CWC25: variants seen among roughly 807,000 people sequenced by gnomAD.
CWC25 encodes the protein CWC25 spliceosome associated protein, also known as pre-mRNA-splicing factor CWC25 homolog.
Under a neutral mutation model 54.6 loss-of-function variants are expected in CWC25, and 31 were observed. The observed-to-expected ratio is 0.57, with a 90% CI of 0.43 to 0.77. The LOEUF is 0.77. CWC25 is among the 30% of genes least tolerant of loss of function. The probability of loss-of-function intolerance (pLI) is 0.00; values close to 1 mark genes in which losing one functional copy is unlikely to be tolerated. For synonymous variants in CWC25, 151 were observed against 187.0 expected, an observed-to-expected ratio of 0.81 and a Z score of 1.57; for missense variants, 453 against 529.3, an observed-to-expected ratio of 0.86 and a Z score of 1.41.
chr17:38,811,488 G>A (rs371245585), intron 4 of CWC25, among the ~76,000 whole-genome samples: 10 of 148,754 alleles, frequency 6.7e-5, no homozygotes, highest in Admixed American at 3.4e-4. Context: ...AGCTAAGATC[G>A]TGTCACTGCA....
intron 2 of CWC25, among the ~76,000 whole-genome samples, chr17:38,817,232 C>T (rs1488896515): frequency 6.7e-5 from 10 of 149,882 alleles, no homozygotes; most frequent in African/African-American, 2.5e-4. Flanking sequence ...CCCAGCTACT[C>T]GGGAGGCTGA....
At position 38,807,683 on chromosome 17, in the gene CWC25, G is replaced by A. The variant is rs750601762; in HGVS notation, c.691-707C>T. Among the ~76,000 whole-genome samples, 93 of 135,574 alleles carry A rather than the reference G, an allele frequency of 6.9e-4. 15 individuals carry two copies. Among genetic ancestry groups the A allele is most frequent in the Non-Finnish European group, 1.6e-4 (10 of 62,270 alleles). 88.9% of individuals were successfully genotyped at this position (135,574 alleles called of 152,430 possible). ...AGGCAGAAGGATCCCTTGAGCCTAA[G>A]AGGTCAAGACAGCAGTGAGCCAGGA... On this transcript the variant is annotated intron_variant, in intron 6 of 9. Coordinates refer to ENST00000614790, the MANE Select transcript of CWC25 (RefSeq NM_017748.5).
intron 1 of CWC25, among the ~76,000 whole-genome samples, chr17:38,822,491 G>A (rs1911963115): frequency 1.3e-5 from 2 of 152,046 alleles, no homozygotes; most frequent in Non-Finnish European, 2.9e-5. Context: ...CCTTGGTTCT[G>A]ATCTCCCCAT....
chr17:38,814,086 CTCCTGACCTCGTGATCCG>C (rs1426168690), intron 3 of CWC25, among the ~76,000 whole-genome samples: 2 of 151,674 alleles, frequency 1.3e-5, no homozygotes, highest in Non-Finnish European at 1.5e-5. Flanking sequence ...TGGTCTCGAT[CTCCTGACCTCGTGATCCG>C]CCCGCCTCGG....
chr17:38,805,037 G>A (rs1180691357), intron 8 of CWC25, among the ~76,000 whole-genome samples: 1 of 151,942 alleles, frequency 6.6e-6, no homozygotes, highest in Admixed American at 6.6e-5. Flanking sequence ...GGCCCAGGAG[G>A]CGGAAGTTGT....
chr17:38,814,143 G>A (rs1373994038), intron 3 of CWC25, among the ~76,000 whole-genome samples: 1 of 152,104 alleles, frequency 6.6e-6, no homozygotes, highest in African/African-American at 2.4e-5. Flanking sequence ...TTACAGGCGT[G>A]AGCCACTGCT....
chr17:38,818,002 G>A (rs1190066226), intron 2 of CWC25, among the ~76,000 whole-genome samples: 1 of 151,454 alleles, frequency 6.6e-6, no homozygotes, highest in African/African-American at 2.4e-5. Flanking sequence ...AATAGGCCGG[G>A]TGCAGTGGCT....
At chr17:38,820,733 A>C (rs141809798) in intron 2 of CWC25, among the ~76,000 whole-genome samples, 168 bp downstream of exon 2, 2 of 152,164 alleles carry the variant, frequency 1.3e-5, no homozygotes, top group Admixed American at 6.6e-5. Context: ...CTCAAATTTG[A>C]TCACAGTTCC....
chr17:38,824,626 C>A (rs1010409094), intron 1 of CWC25, among the ~76,000 whole-genome samples: 6 of 150,990 alleles, frequency 4.0e-5, no homozygotes, highest in African/African-American at 1.5e-4. Flanking sequence ...GGAAAGGTTG[C>A]GGTCAGCCGA....
intron 8 of CWC25, among the ~76,000 whole-genome samples, chr17:38,803,752 C>T (rs1007031165): frequency 2.7e-5 from 4 of 148,390 alleles, no homozygotes; most frequent in Non-Finnish European, 6.0e-5. Context: ...AAAACAAAAA[C>T]GATTGCCAGG....
rs1406117662 is a variant in CWC25 at position 38,813,565 on chromosome 17, A to G, written c.429-701T>C. Among the ~76,000 whole-genome samples, 3 of 151,510 alleles carry G rather than the reference A, an allele frequency of 2.0e-5. No homozygotes were observed. In the East Asian group the frequency reaches 5.8e-4, roughly 29 times the overall value. ...GATTGTCTCAAAAAAAAAAAAAAAA[A>G]AAGAGTCATGCTCAGTCGTCCAGGC... On this transcript the variant is annotated intron_variant, in intron 3 of 9. Transcript: ENST00000614790.
intron 2 of CWC25, chr17:38,815,512 A>T: frequency 2.1e-6 from 1 of 483,258 alleles, no homozygotes; most frequent in Non-Finnish European, 3.9e-6. Context: ...AGATCACGCC[A>T]CTGCACTCCA....
intron 2 of CWC25, among the ~76,000 whole-genome samples, chr17:38,817,331 C>G (rs1321211657): frequency 6.7e-6 from 1 of 149,110 alleles, no homozygotes; most frequent in Non-Finnish European, 1.5e-5. Flanking sequence ...CAGTGCGAGA[C>G]TCGGTCTCAA....
rs111344206 is a variant in CWC25, at chr17:38,825,275, G to T, written c.-92C>A. 2.9e-6 allele frequency: 4 copies of T among 1,391,764 alleles called. No individual in the cohort carries two copies. The highest frequency in any genetic ancestry group is 1.3e-5 in the South Asian group (1 of 74,312). The allele number at this position is 1,391,764 out of a possible 1,614,324, so 86.2% of individuals were successfully genotyped here. A position where few individuals can be genotyped will look rare whatever the true frequency, so the allele number is the denominator to read the frequency against. ...AGAAATAGTTCGGGGGCTACCTCGC[G>T]GGATCTAGTCCCAGGAGCCGTCAAC... On this transcript the variant is annotated 5_prime_UTR_variant, in exon 1 of 10. Transcript: ENST00000614790.
At chr17:38,819,125 C>T (rs1276554861) in intron 2 of CWC25, among the ~76,000 whole-genome samples, 1 of 151,968 alleles carries the variant, frequency 6.6e-6, no homozygotes, top group African/African-American at 2.4e-5. Flanking sequence ...TGGGCTCAAG[C>T]AATCCTCCTA....
chr17:38,806,756 C>A lies in CWC25; in HGVS notation c.902+9G>T, dbSNP rs779885506. 6.4e-7 allele frequency: 1 copy of A among 1,560,976 alleles called. No individual in the cohort carries two copies. The highest frequency in any genetic ancestry group is 8.6e-7 in the Non-Finnish European group (1 of 1,156,904). On this transcript the variant is annotated intron_variant, in intron 7 of 9. Transcript: ENST00000614790. ...TCACAGGTTATTTCCCAGTGAATCC[C>A]ACACTCACAGTTTGCTGGGTCTTGG...
At chr17:38,815,770 TC>T in intron 2 of CWC25, 1 of 906,244 alleles carries the variant, frequency 1.1e-6, no homozygotes, top group Non-Finnish European at 1.5e-6. Context: ...ACATTCTACA[TC>T]ACCATCTTAC....
At chr17:38,818,000 G>A (rs1487252580) in intron 2 of CWC25, among the ~76,000 whole-genome samples, 1 of 149,708 alleles carries the variant, frequency 6.7e-6, no homozygotes, top group African/African-American at 2.5e-5. Flanking sequence ...ATAATAGGCC[G>A]GGTGCAGTGG....
intron 2 of CWC25, among the ~76,000 whole-genome samples, chr17:38,818,540 CG>C (rs1911793429): frequency 7.5e-6 from 1 of 132,934 alleles, no homozygotes; most frequent in African/African-American, 2.9e-5. Flanking sequence ...TGCAGTGAGC[CG>C]AGATCGTGCT....
Sources: gnomAD v4.1 joint callset for allele counts (sites outside exome capture counted in the v4.1 genomes callset) on GRCh38, gnomAD v4.1.1 for gene constraint, MANE v1.5 for transcripts, NCBI Gene and HGNC (gene_info 2026-07-23, HGNC 2026-07-21) for gene names.